Variants in RALGAPA2 observed in about 807,000 individuals in gnomAD.
RALGAPA2 encodes Ral GTPase activating protein catalytic subunit alpha 2.
RALGAPA2 carries 139 observed loss-of-function variants against 230.4 expected under a neutral mutation model. The ratio of observed to expected loss-of-function variants is 0.60; its 90% confidence interval spans 0.53 to 0.69. RALGAPA2 has a LOEUF of 0.69. Ranked by LOEUF, RALGAPA2 falls within the 30% of genes least tolerant of loss-of-function variation. The probability of loss-of-function intolerance (pLI) is 0.00; values close to 1 mark genes in which losing one functional copy is unlikely to be tolerated. For synonymous variants in RALGAPA2, 847 were observed against 837.8 expected (o/e 1.01, Z -0.19); for missense variants, 2,163 against 2,276.0 (o/e 0.95, Z 1.01).
At chr20:20,526,706 T>C (rs1434166752) in intron 27 of RALGAPA2, among the ~76,000 whole-genome samples, 2 of 152,238 alleles carry the variant, frequency 1.3e-5, no homozygotes, top group African/African-American at 4.8e-5. Flanking sequence ...TGTACCCCCA[T>C]ACACTGAACC....
intron 23 of RALGAPA2, among the ~76,000 whole-genome samples, chr20:20,550,231 A>T (rs1264520875): frequency 6.6e-6 from 1 of 152,202 alleles, no homozygotes; most frequent in Non-Finnish European, 1.5e-5. Context: ...GAGTGAGAAC[A>T]TACAATGTTT....
At chr20:20,529,143 T>C (rs980627367) in intron 27 of RALGAPA2, among the ~76,000 whole-genome samples, 1 of 152,186 alleles carries the variant, frequency 6.6e-6, no homozygotes, top group Non-Finnish European at 1.5e-5. Flanking sequence ...AGGACTTAAG[T>C]CAATGAGTTT....
At chr20:20,466,109 C>T (rs1276420281) in intron 37 of RALGAPA2, among the ~76,000 whole-genome samples, 1 of 152,232 alleles carries the variant, frequency 6.6e-6, no homozygotes, top group Non-Finnish European at 1.5e-5. Flanking sequence ...GGCCTCAGCA[C>T]TGGGGAGACA....
intron 3 of RALGAPA2, among the ~76,000 whole-genome samples, chr20:20,666,708 T>C (rs2146714420): frequency 6.6e-6 from 1 of 152,204 alleles, no homozygotes; most frequent in Middle Eastern, 3.2e-3. Context: ...TATTTGCTTA[T>C]AAGAAAAGCC....
intron 10 of RALGAPA2, among the ~76,000 whole-genome samples, chr20:20,626,197 T>C (rs2066484975): frequency 6.6e-6 from 1 of 152,216 alleles, no homozygotes; most frequent in Non-Finnish European, 1.5e-5. Context: ...AAAAACATAG[T>C]TATTTTGAAA....
chr20:20,592,920 C>G (rs909683943), intron 16 of RALGAPA2, among the ~76,000 whole-genome samples: 1 of 151,962 alleles, frequency 6.6e-6, no homozygotes, highest in Non-Finnish European at 1.5e-5. Context: ...CCTTCACTTA[C>G]AAAAATTTAT....
chr20:20,490,327 C>T (rs902998508), intron 36 of RALGAPA2, among the ~76,000 whole-genome samples: 3 of 152,142 alleles, frequency 2.0e-5, no homozygotes, highest in Non-Finnish European at 2.9e-5. Context: ...TCACATAGTT[C>T]TCAATGTCAT....
At position 20,536,593 on chromosome 20, in the gene RALGAPA2, T is replaced by C. The variant is rs1289107351; in HGVS notation, c.3414+63A>G. 5.2e-6 allele frequency: 8 copies of C among 1,543,596 alleles called. No homozygotes were observed. In the East Asian group the frequency reaches 1.6e-4, roughly 31 times the overall value. On this transcript the variant is annotated intron_variant, in intron 25 of 39. Transcript: ENST00000202677. The stretch of plus-strand genomic sequence containing the variant: ...GATTAATATACACTAATGGAAGAGA[T>C]AATCATACATCTAGAATTATAAAAA...
At chr20:20,554,512 T>C (rs1022937295) in intron 23 of RALGAPA2, among the ~76,000 whole-genome samples, 1 of 152,244 alleles carries the variant, frequency 6.6e-6, no homozygotes, top group Non-Finnish European at 1.5e-5. Flanking sequence ...CATGTTCTTC[T>C]TGGCCATTTT....
rs373633752 is a variant in RALGAPA2, at chr20:20,412,152, C to T, written c.5496-4G>A. ...ATACAGAGCTCGCTCTTCATAGCTG[C>T]GGTAATCGGTTAAGGAAACAAGTGC... On this transcript the variant is annotated splice_polypyrimidine_tract_variant and splice_region_variant and intron_variant, in intron 37 of 39. Transcript: ENST00000202677. 72 of 1,613,554 alleles carry T rather than the reference C, an allele frequency of 4.5e-5. No homozygotes were observed. Among genetic ancestry groups the T allele is most frequent in the Middle Eastern group, 1.7e-4 (1 of 6,046 alleles).
At chr20:20,711,576 G>T (rs971415671) in intron 1 of RALGAPA2, among the ~76,000 whole-genome samples, 1 of 152,110 alleles carries the variant, frequency 6.6e-6, no homozygotes, top group Admixed American at 6.5e-5. Flanking sequence ...CCACAGGGGC[G>T]AGCTTCATCA....
chr20:20,649,741 C>T (rs952910735), intron 4 of RALGAPA2, among the ~76,000 whole-genome samples: 3 of 152,170 alleles, frequency 2.0e-5, no homozygotes, highest in African/African-American at 7.2e-5. Context: ...CTAGAGGCTC[C>T]AGAGCAGTAA....
intron 9 of RALGAPA2, 108 bp downstream of exon 9, chr20:20,635,310 C>A (rs2066820286): frequency 8.1e-7 from 1 of 1,228,918 alleles, no homozygotes; most frequent in Non-Finnish European, 1.2e-6. Flanking sequence ...TTACCTATAA[C>A]CAACAACTTG....
chr20:20,402,551 A>T (rs527429934), intron 38 of RALGAPA2, among the ~76,000 whole-genome samples: 1 of 152,220 alleles, frequency 6.6e-6, no homozygotes, highest in Non-Finnish European at 1.5e-5. Context: ...AATCCAGGAC[A>T]GGGGCTATGT....
chr20:20,446,437 A>AG (rs2060865485), intron 37 of RALGAPA2, among the ~76,000 whole-genome samples: 1 of 152,240 alleles, frequency 6.6e-6, no homozygotes, highest in Non-Finnish European at 1.5e-5. Flanking sequence ...TTACTTTTAA[A>AG]GGCAAAAACC....
chr20:20,426,008 G>C (rs753271178), intron 37 of RALGAPA2, among the ~76,000 whole-genome samples: 8 of 152,190 alleles, frequency 5.3e-5, no homozygotes, highest in Non-Finnish European at 1.2e-4. Context: ...GTCTTTATCT[G>C]CAGCACTCTG....
In RALGAPA2 at chr20:20,546,697, T is replaced by C. The variant is rs2063782693; in HGVS notation, c.3285+7A>G. 5 of 1,592,280 alleles carry C rather than the reference T, an allele frequency of 3.1e-6. No homozygotes were observed. Among genetic ancestry groups the C allele is most frequent in the Non-Finnish European group, 4.3e-6 (5 of 1,173,092 alleles). On this transcript the variant is annotated splice_region_variant and intron_variant, in intron 24 of 39. Transcript: ENST00000202677. ...GGAGCTGGGATGCTGAGCATTGTCA[T>C]ACTCACCGTCAAAATGTCTGTGCTA...
At chr20:20,460,967 A>G (rs1476328109) in intron 37 of RALGAPA2, among the ~76,000 whole-genome samples, 2 of 152,248 alleles carry the variant, frequency 1.3e-5, no homozygotes, top group African/African-American at 2.4e-5. Flanking sequence ...TCTCATCCCA[A>G]TCTGAGCTGA....
intron 37 of RALGAPA2, among the ~76,000 whole-genome samples, chr20:20,443,623 A>G (rs1381040762): frequency 6.6e-6 from 1 of 152,196 alleles, no homozygotes; most frequent in Non-Finnish European, 1.5e-5. Context: ...ACCACATGAC[A>G]TCCTCATAAG....
Sources: allele counts gnomAD v4.1 joint callset (sites outside exome capture counted in the v4.1 genomes callset), GRCh38; gene constraint gnomAD v4.1.1; transcripts MANE v1.5; gene names NCBI Gene and HGNC (gene_info 2026-07-23, HGNC 2026-07-21).